The following DCAF12L1 variants were observed in gnomAD, a reference collection of about 807,000 sequenced individuals.
The protein encoded by DCAF12L1 is DDB1- and CUL4-associated factor 12-like protein 1.
For missense variants in DCAF12L1, 251 were observed against 409.2 expected, an observed-to-expected ratio of 0.61 and a Z score of 3.34; for synonymous variants, 218 against 196.4, an observed-to-expected ratio of 1.11 and a Z score of -0.92.
Position 126,552,507 on chromosome X carries a change from C to G in DCAF12L1, c.102G>C (p.Glu34Asp), listed in dbSNP as rs759019266. The stretch of plus-strand genomic sequence containing the variant: ...TCTGCCTCTTGAGTAGCAGCGGCCC[C>G]TCACCGTCCGCTGCCGCCAAGCCCT... ...PSQGLAAADG[E>D]GPLLLKRQRR... The change falls in exon 1 of 2, where the codon GAG (glutamate) becomes GAC (aspartate). Residue 34 changes from glutamate to aspartate, a missense_variant. Glu to Asp is a conservative substitution (Grantham distance 45, BLOSUM62 2). Transcript: ENST00000371126. 6.6e-6 allele frequency: 8 copies of G among 1,209,675 alleles called. 1 individual carries two copies. In the South Asian group the frequency reaches 1.4e-4, roughly 21 times the overall value.
rs150927042 is a variant in DCAF12L1, at chrX:126,552,372, C to G, written c.237G>C (p.Ala79=). 301 of 1,210,491 alleles carry G rather than the reference C, an allele frequency of 2.5e-4. 1 individual carries two copies. In the African/African-American group the frequency reaches 4.7e-3, roughly 19 times the overall value. Reference sequence around the variant, plus strand: ...TCAGCAGCTCGGGCAGCCTCTGTACCGCGTAGCCCCGCAGCTCGCCATCGA... The same window carrying G: ...TCAGCAGCTCGGGCAGCCTCTGTACGGCGTAGCCCCGCAGCTCGCCATCGA... ...QGFDGELRGY[A]VQRLPELLTE... Residue 79 remains alanine, a synonymous_variant, in exon 1 of 2, where the codon GCG becomes GCC. Coordinates refer to ENST00000371126, the MANE Select transcript of DCAF12L1 (RefSeq NM_178470.5).
chrX:126,550,432 A>T lies in DCAF12L1; in HGVS notation c.*698T>A, dbSNP rs1927442435. ...TACACATTCTTTTATCTATTTAAGGACAGGTGATAACAACTTAAATAAGTT... is the reference window on the plus strand; with the variant it reads ...TACACATTCTTTTATCTATTTAAGGTCAGGTGATAACAACTTAAATAAGTT... On this transcript the variant is annotated 3_prime_UTR_variant, in exon 2 of 2. Coordinates refer to ENST00000371126, the MANE Select transcript of DCAF12L1 (RefSeq NM_178470.5). 1 of 112,327 alleles carries T rather than the reference A, an allele frequency of 8.9e-6. No individual in the cohort carries two copies. The highest frequency in any genetic ancestry group is 1.9e-5 in the Non-Finnish European group (1 of 53,273). 9.3% of individuals were successfully genotyped at this position (112,327 alleles called of 1,213,427 possible).
In DCAF12L1 at chrX:126,552,621, G is replaced by T; in HGVS notation, c.-13C>A. The stretch of plus-strand genomic sequence containing the variant: ...GCTGCTGGGCCATGGTGGGCGGCGG[G>T]CGAGCGGCGGCGGCAAGGCGTTGGT... On this transcript the variant is annotated 5_prime_UTR_variant, in exon 1 of 2. Coordinates refer to ENST00000371126, the MANE Select transcript of DCAF12L1 (RefSeq NM_178470.5). The T allele has an allele frequency of 8.3e-7, 1 of 1,201,647 alleles. No individual in the cohort carries two copies.
At position 126,552,796 on chromosome X, in the gene DCAF12L1, G is replaced by T; in HGVS notation, c.-188C>A. The T allele has an allele frequency of 1.4e-6, 1 of 705,110 alleles. No individual in the cohort carries two copies. Among genetic ancestry groups the T allele is most frequent in the Non-Finnish European group, 2.0e-6 (1 of 505,144 alleles). 58.1% of individuals were successfully genotyped at this position (705,110 alleles called of 1,213,427 possible). On this transcript the variant is annotated 5_prime_UTR_variant, in exon 1 of 2. Transcript: ENST00000371126. ...CGGCGGTGGCGGTGCAGACCTAGGC[G>T]AAGGCGGGAAGTGCGTCTGGCCGGG...
rs1310871316 is a variant in DCAF12L1, at chrX:126,551,121, G to T, written c.*23-14C>A. The T allele has an allele frequency of 9.6e-7, 1 of 1,042,247 alleles. No homozygotes were observed. The highest frequency in any genetic ancestry group is 1.3e-6 in the Non-Finnish European group (1 of 781,631). 85.9% of individuals were successfully genotyped at this position (1,042,247 alleles called of 1,213,427 possible). On this transcript the variant is annotated splice_polypyrimidine_tract_variant and intron_variant, in intron 1 of 1. Transcript: ENST00000371126. ...GGCTGGTTCCACCTGGAAAACAAAA[G>T]ACGCACAGAGTTAAAAGCAAAAAAA...
rs1412210296 is a variant in DCAF12L1 at position 126,552,506 on chromosome X, C to T, written c.103G>A (p.Gly35Arg). ...SQGLAAADGE[G>R]PLLLKRQRRP... ...CTCTGCCTCTTGAGTAGCAGCGGCCCCTCACCGTCCGCTGCCGCCAAGCCC... is the reference window on the plus strand; with the variant it reads ...CTCTGCCTCTTGAGTAGCAGCGGCCTCTCACCGTCCGCTGCCGCCAAGCCC... Residue 35 changes from glycine (G) to arginine (R), a missense_variant, in exon 1 of 2, where the codon GGG (glycine) becomes AGG (arginine). Gly to Arg is a moderately radical substitution (Grantham distance 125). Coordinates refer to ENST00000371126, the MANE Select transcript of DCAF12L1 (RefSeq NM_178470.5). 1.7e-6 allele frequency: 2 copies of T among 1,208,170 alleles called. No homozygotes were observed. The highest frequency in any genetic ancestry group is 1.7e-5 in the African/African-American group (1 of 57,389).
In DCAF12L1 at chrX:126,550,637, G is replaced by C. The variant is rs1401917679; in HGVS notation, c.*493C>G. ...AAAAAAGCACTTTAGCACCAACAAC[G>C]TAAAAACTATATACACTAAGATCAC... On this transcript the variant is annotated 3_prime_UTR_variant, in exon 2 of 2. Coordinates refer to ENST00000371126, the MANE Select transcript of DCAF12L1 (RefSeq NM_178470.5). The C allele has an allele frequency of 1.8e-5, 2 of 112,307 alleles. No homozygotes were observed. Among genetic ancestry groups the C allele is most frequent in the African/African-American group, 6.5e-5 (2 of 30,827 alleles). 9.3% of individuals were successfully genotyped at this position (112,307 alleles called of 1,213,427 possible). A position where few individuals can be genotyped will look rare whatever the true frequency, so the allele number is the denominator to read the frequency against.
Position 126,552,378 on chromosome X carries a change from G to T in DCAF12L1, c.231C>A (p.Gly77=), listed in dbSNP as rs2147230868. The change falls in exon 1 of 2, where the codon GGC becomes GGA. Residue 77 remains glycine, a synonymous_variant. Transcript: ENST00000371126. ...RLQGFDGELR[G]YAVQRLPELL... is the part of the protein sequence containing the mutation. ...GCTCGGGCAGCCTCTGTACCGCGTAGCCCCGCAGCTCGCCATCGAAGCCCT... is the reference window on the plus strand; with the variant it reads ...GCTCGGGCAGCCTCTGTACCGCGTATCCCCGCAGCTCGCCATCGAAGCCCT... The T allele has an allele frequency of 8.3e-7, 1 of 1,211,674 alleles. No individual in the cohort carries two copies. The highest frequency in any genetic ancestry group is 1.1e-6 in the Non-Finnish European group (1 of 895,516).
In DCAF12L1 at chrX:126,551,096, G is replaced by A. The variant is rs1364995152; in HGVS notation, c.*34C>T. 9 of 868,629 alleles carry A rather than the reference G, an allele frequency of 1.0e-5. No homozygotes were observed. The highest frequency in any genetic ancestry group is 1.4e-5 in the Non-Finnish European group (9 of 633,368). The allele number at this position is 868,629 out of a possible 1,213,427, so 71.6% of individuals were successfully genotyped here. ...GCTTGGAGGAGTACAAATTAAGCTG[G>A]GCTGGTTCCACCTGGAAAACAAAAG... On this transcript the variant is annotated 3_prime_UTR_variant, in exon 2 of 2. Transcript: ENST00000371126.
rs771476629 is a variant in DCAF12L1 at position 126,551,772 on chromosome X, C to T, written c.837G>A (p.Ala279=). 1 of 1,212,059 alleles carries T rather than the reference C, an allele frequency of 8.3e-7. No individual in the cohort carries two copies. Among genetic ancestry groups the T allele is most frequent in the Non-Finnish European group, 1.1e-6 (1 of 895,538 alleles). The change falls in exon 1 of 2, where the codon GCG becomes GCA. Residue 279 remains alanine (A), a synonymous_variant. Transcript: ENST00000371126. ...ACGGKNQELG[A]VSLDGYFHLW... is the part of the protein sequence containing the mutation. Reference sequence around the variant, plus strand: ...GGTGGAAGTAGCCGTCCAAGGACACCGCTCCCAGTTCCTGGTTCTTGCCGC... The same window carrying T: ...GGTGGAAGTAGCCGTCCAAGGACACTGCTCCCAGTTCCTGGTTCTTGCCGC...
In DCAF12L1 at chrX:126,551,853, G is replaced by T; in HGVS notation, c.756C>A (p.Ala252=). The change falls in exon 1 of 2, where the codon GCC becomes GCA. Residue 252 remains alanine (A), a synonymous_variant. Coordinates refer to ENST00000371126, the MANE Select transcript of DCAF12L1 (RefSeq NM_178470.5). The part of the protein sequence containing the change: ...YAHIRPRDVE[A]IPRAIINPSN... ...TGGGGTTGATGATGGCCCTGGGGAT[G>T]GCCTCCACATCCCTCGGACGGATGT... is the stretch of plus-strand genomic sequence containing the variant. 1.6e-6 allele frequency: 2 copies of T among 1,212,356 alleles called. No individual in the cohort carries two copies. Among genetic ancestry groups the T allele is most frequent in the Non-Finnish European group, 2.2e-6 (2 of 895,650 alleles).
Position 126,552,770 on chromosome X carries a change from G to GC in DCAF12L1, c.-163dup. The GC allele has an allele frequency of 1.2e-6, 1 of 864,528 alleles. No homozygotes were observed. 71.2% of individuals were successfully genotyped at this position (864,528 alleles called of 1,213,427 possible). Reference sequence around the variant, plus strand: ...CCGGGTGAGGGACGCGCGGGAGAGGGCGGCGGTGGCGGTGCAGACCTAGGC... The same window carrying GC: ...CCGGGTGAGGGACGCGCGGGAGAGGGCCGGCGGTGGCGGTGCAGACCTAGGC... On this transcript the variant is annotated 5_prime_UTR_variant, in exon 1 of 2. Coordinates refer to ENST00000371126, the MANE Select transcript of DCAF12L1 (RefSeq NM_178470.5).
chrX:126,551,659 T>C lies in DCAF12L1; in HGVS notation c.950A>G (p.Asp317Gly), dbSNP rs367834510. 5 of 1,210,253 alleles carry C rather than the reference T, an allele frequency of 4.1e-6. No individual in the cohort carries two copies. The African/African-American group carries it at 8.7e-5, about 21-fold the overall frequency. Residue 317 changes from aspartate (D) to glycine (G), a missense_variant, in exon 1 of 2, where the codon GAT becomes GGT. By Grantham distance (94) the Asp-to-Gly change is moderately conservative. Transcript: ENST00000371126. ...RDNVCLTYCDDMSVYAVGSHS... is the reference protein window; with the variant it reads ...RDNVCLTYCDGMSVYAVGSHS... ...GGAGCCCACGGCGTACACAGACATA[T>C]CATCACAGTAGGTCAGGCACACATT...
chrX:126,551,898 C>G lies in DCAF12L1; in HGVS notation c.711G>C (p.Val237=). The change falls in exon 1 of 2, where the codon GTG becomes GTC. Residue 237 remains valine, a synonymous_variant. Coordinates refer to ENST00000371126, the MANE Select transcript of DCAF12L1 (RefSeq NM_178470.5). ...FDDTVAWHSE[V]GLPVYAHIRP... is the part of the protein sequence containing the mutation. ...GGATGTGGGCATATACGGGGAGACC[C>G]ACCTCGCTATGCCAGGCAACAGTGT... The G allele has an allele frequency of 8.2e-7, 1 of 1,212,304 alleles. No individual in the cohort carries two copies. The highest frequency in any genetic ancestry group is 1.1e-6 in the Non-Finnish European group (1 of 895,667).
rs747904012 is a variant in DCAF12L1 at position 126,552,469 on chromosome X, G to A, written c.140C>T (p.Thr47Met). The A allele has an allele frequency of 1.7e-6, 2 of 1,210,238 alleles. No homozygotes were observed. Among genetic ancestry groups the A allele is most frequent in the Non-Finnish European group, 2.2e-6 (2 of 895,330 alleles). Reference protein sequence around the residue: ...LLLKRQRRPATYRSMAHYLKV... With the variant: ...LLLKRQRRPAMYRSMAHYLKV... ...CAGATAGTGCGCCATCGAGCGATAC[G>A]TCGCCGGCCGCCTCTGCCTCTTGAG... Residue 47 changes from threonine (T) to methionine (M), a missense_variant, in exon 1 of 2, where the codon ACG (threonine) becomes ATG (methionine). Transcript: ENST00000371126.
At position 126,551,739 on chromosome X, in the gene DCAF12L1, T is replaced by C; in HGVS notation, c.870A>G (p.Lys290=). 1 of 1,212,223 alleles carries C rather than the reference T, an allele frequency of 8.2e-7. No homozygotes were observed. The highest frequency in any genetic ancestry group is 1.1e-6 in the Non-Finnish European group (1 of 895,627). Residue 290 remains lysine (K), a synonymous_variant, in exon 1 of 2, where the codon AAA becomes AAG. Transcript: ENST00000371126. ...VSLDGYFHLW[K]AGSALSRLLS... ...GCAGCCTGGATAGTGCGCTCCCGGCTTTCCACAGGTGGAAGTAGCCGTCCA... is the reference window on the plus strand; with the variant it reads ...GCAGCCTGGATAGTGCGCTCCCGGCCTTCCACAGGTGGAAGTAGCCGTCCA...
Position 126,552,068 on chromosome X carries a change from A to T in DCAF12L1, c.541T>A (p.Ser181Thr), listed in dbSNP as rs780712210. 2.5e-6 allele frequency: 3 copies of T among 1,212,102 alleles called. No homozygotes were observed. Among genetic ancestry groups the T allele is most frequent in the East Asian group, 3.0e-5 (1 of 33,822 alleles). ...TCGCCCAGGCACAGGGGATCCAGGGAGGGCAGCTGGTAGATGGCCAGGCTG... is the reference window on the plus strand; with the variant it reads ...TCGCCCAGGCACAGGGGATCCAGGGTGGGCAGCTGGTAGATGGCCAGGCTG... Reference protein sequence around the residue: ...PNSLAIYQLPSLDPLCLGDRH... With the variant: ...PNSLAIYQLPTLDPLCLGDRH... The change falls in exon 1 of 2, where the codon TCC (serine) becomes ACC (threonine). Residue 181 changes from serine to threonine, a missense_variant. Physicochemically the swap from Ser to Thr is moderately conservative, Grantham distance 58. Coordinates refer to ENST00000371126, the MANE Select transcript of DCAF12L1 (RefSeq NM_178470.5).
Position 126,552,716 on chromosome X carries a change from T to G in DCAF12L1, c.-108A>C. On this transcript the variant is annotated 5_prime_UTR_variant, in exon 1 of 2. Coordinates refer to ENST00000371126, the MANE Select transcript of DCAF12L1 (RefSeq NM_178470.5). ...TGGATGGCTGCGCTGGAACCGAGCC[T>G]TCGGATTCTGAGGCGCGGCAGTGGC... 1.5e-5 allele frequency: 17 copies of G among 1,098,564 alleles called. No homozygotes were observed. The highest frequency in any genetic ancestry group is 2.0e-5 in the Non-Finnish European group (17 of 839,616). The allele number at this position is 1,098,564 out of a possible 1,213,427, so 90.5% of individuals were successfully genotyped here.
chrX:126,552,321 C>T lies in DCAF12L1; in HGVS notation c.288G>A (p.Thr96=), dbSNP rs755461394. The T allele has an allele frequency of 7.4e-6, 9 of 1,211,147 alleles. No individual in the cohort carries two copies. The South Asian group carries it at 1.4e-4, about 19-fold the overall frequency. ...LLTERQLELG[T]VNKVFASQWL... ...ACTGTGACGCGAACACCTTGTTGAC[C>T]GTGCCCAGCTCCAGTTGGCGCTCCG... Residue 96 remains threonine (T), a synonymous_variant, in exon 1 of 2, where the codon ACG becomes ACA. Coordinates refer to ENST00000371126, the MANE Select transcript of DCAF12L1 (RefSeq NM_178470.5).
Sources: allele counts gnomAD v4.1 joint callset, GRCh38; gene constraint gnomAD v4.1.1; transcripts MANE v1.5; gene names NCBI Gene and HGNC (gene_info 2026-07-23, HGNC 2026-07-21).